The following THSD7A variants were observed in gnomAD, a reference collection of about 807,000 sequenced individuals.
THSD7A encodes thrombospondin type 1 domain containing 7A.
THSD7A carries 96 observed loss-of-function variants against 231.3 expected under a neutral mutation model. The observed-to-expected ratio is 0.41, with a 90% confidence interval of 0.35 to 0.49. The LOEUF is 0.49. THSD7A is among the 20% of genes least tolerant of loss of function. THSD7A has a pLI of 0.05. For missense variants in THSD7A, 2,290 were observed against 2,070.2 expected (o/e 1.11, Z -2.06); for synonymous variants, 940 against 743.3 (o/e 1.26, Z -4.30).
chr7:11,781,035 A>AT (rs1783612309), intron 1 of THSD7A, among the ~76,000 whole-genome samples: 3 of 133,700 alleles, frequency 2.2e-5, no homozygotes, highest in Non-Finnish European at 3.2e-5. Context: ...AAAAAAAAAA[A>AT]AAATTTATAG....
At chr7:11,614,276 G>A (rs1781032349) in intron 2 of THSD7A, among the ~76,000 whole-genome samples, 1 of 152,144 alleles carries the variant, frequency 6.6e-6, no homozygotes, top group Non-Finnish European at 1.5e-5. Context: ...TAAATGGTGA[G>A]CGCTTCCACT....
In THSD7A at chr7:11,673,745, G is replaced by A. The variant is rs569271316; in HGVS notation, c.191-36784C>T. On this transcript the variant is annotated intron_variant, in intron 1 of 27. Transcript: ENST00000423059. ...GGGAAGGGCATGGCTTGATAGTCAA[G>A]GCTTCTCCTCCAGGAGTCCCACCCT... Among the ~76,000 whole-genome samples the A allele has an allele frequency of 3.9e-5, 6 of 152,218 alleles. No homozygotes were observed. In the South Asian group the frequency reaches 1.2e-3, roughly 32 times the overall value.
At chr7:11,639,055 C>A (rs1010053802) in intron 1 of THSD7A, among the ~76,000 whole-genome samples, 11 of 152,098 alleles carry the variant, frequency 7.2e-5, no homozygotes, top group African/African-American at 2.7e-4. Flanking sequence ...TATTTTCCAT[C>A]TGAACACAAC....
rs528324756 is a variant in THSD7A at position 11,431,716 on chromosome 7, T to C, written c.3065-2591A>G. On this transcript the variant is annotated intron_variant, in intron 13 of 27. Transcript: ENST00000423059. The stretch of plus-strand genomic sequence containing the variant: ...TGCATTTTAGAATTAGACTGTCAAT[T>C]TCTGCAAAAAATTGCAGCTAGGATT... Among the ~76,000 whole-genome samples, 6 of 152,202 alleles carry C rather than the reference T, an allele frequency of 3.9e-5. No individual in the cohort carries two copies. In the South Asian group the frequency reaches 1.0e-3, roughly 26 times the overall value.
chr7:11,673,846 G>A (rs1335783822), intron 1 of THSD7A, among the ~76,000 whole-genome samples: 2 of 152,074 alleles, frequency 1.3e-5, no homozygotes, highest in African/African-American at 4.8e-5. Flanking sequence ...GCTGCAGGGT[G>A]GATATTGGAA....
intron 1 of THSD7A, among the ~76,000 whole-genome samples, chr7:11,743,729 T>A (rs1452474705): frequency 6.6e-6 from 1 of 151,864 alleles, no homozygotes; most frequent in Non-Finnish European, 1.5e-5. Flanking sequence ...GTCTGTCCAA[T>A]TCTATGCTAT....
chr7:11,678,550 C>A (rs1302327469), intron 1 of THSD7A, among the ~76,000 whole-genome samples: 1 of 152,160 alleles, frequency 6.6e-6, no homozygotes, highest in African/African-American at 2.4e-5. Flanking sequence ...AAACTACCAT[C>A]AGAGAATACT....
At chr7:11,666,622 T>A (rs1783142659) in intron 1 of THSD7A, among the ~76,000 whole-genome samples, 1 of 151,950 alleles carries the variant, frequency 6.6e-6, no homozygotes, top group Admixed American at 6.6e-5. Context: ...AATAATAAAT[T>A]ATAATTATCT....
chr7:11,448,644 A>G (rs1047547297), intron 11 of THSD7A, among the ~76,000 whole-genome samples: 1 of 152,094 alleles, frequency 6.6e-6, no homozygotes, highest in Non-Finnish European at 1.5e-5. Flanking sequence ...ACTAAAACCT[A>G]TTGCCTAGGA....
At chr7:11,744,922 T>G (rs1426892587) in intron 1 of THSD7A, among the ~76,000 whole-genome samples, 1 of 152,138 alleles carries the variant, frequency 6.6e-6, no homozygotes, top group East Asian at 1.9e-4. Context: ...TGTGTCTTTA[T>G]AGCAGCATGT....
intron 2 of THSD7A, among the ~76,000 whole-genome samples, chr7:11,595,913 A>T (rs1780343539): frequency 6.6e-6 from 1 of 152,246 alleles, no homozygotes; most frequent in Non-Finnish European, 1.5e-5. Flanking sequence ...AGTCTGACTC[A>T]TGTAGAGCTC....
intron 1 of THSD7A, among the ~76,000 whole-genome samples, chr7:11,767,652 G>T (rs1783070729): frequency 6.6e-6 from 1 of 152,046 alleles, no homozygotes; most frequent in South Asian, 2.1e-4. Context: ...GTTCCAACAG[G>T]AATAGATCTT....
intron 15 of THSD7A, among the ~76,000 whole-genome samples, chr7:11,425,787 AAGAG>A (rs921797831): frequency 1.3e-5 from 2 of 150,986 alleles, no homozygotes; most frequent in African/African-American, 4.9e-5. Context: ...GACAGAGAGC[AAGAG>A]AGAGAGAAAG....
At chr7:11,464,917 T>A (rs1371536598) in intron 9 of THSD7A, among the ~76,000 whole-genome samples, 1 of 152,132 alleles carries the variant, frequency 6.6e-6, no homozygotes, top group African/African-American at 2.4e-5. Context: ...TTTGCCAGGT[T>A]ATACAGTCCT....
intron 1 of THSD7A, among the ~76,000 whole-genome samples, chr7:11,823,132 T>C (rs1027997940): frequency 6.6e-6 from 1 of 152,068 alleles, no homozygotes; most frequent in East Asian, 1.9e-4. Context: ...TTTTTGTATG[T>C]AATGAGAGAT....
intron 6 of THSD7A, among the ~76,000 whole-genome samples, chr7:11,524,681 T>G (rs185795608): frequency 6.6e-6 from 1 of 152,138 alleles, no homozygotes; most frequent in Admixed American, 6.6e-5. Context: ...CAGAACTTGA[T>G]TTTCCTCCTC....
intron 1 of THSD7A, among the ~76,000 whole-genome samples, chr7:11,805,388 T>C (rs1213850574): frequency 2.6e-5 from 4 of 152,140 alleles, no homozygotes; most frequent in African/African-American, 7.2e-5. Context: ...GCTGTAATTC[T>C]ATATCTTGTT....
chr7:11,534,439 A>T (rs1562693420), intron 6 of THSD7A, among the ~76,000 whole-genome samples: 1 of 152,168 alleles, frequency 6.6e-6, no homozygotes, highest in African/African-American at 2.4e-5. Context: ...AGCTTATTGG[A>T]GGATGAGAGT....
At chr7:11,431,214 C>T (rs1300700785) in intron 13 of THSD7A, among the ~76,000 whole-genome samples, 1 of 152,088 alleles carries the variant, frequency 6.6e-6, no homozygotes, top group African/African-American at 2.4e-5. Context: ...CAATGAAGTC[C>T]AGTTTATCTT....
Sources: allele counts gnomAD v4.1 joint callset (sites outside exome capture counted in the v4.1 genomes callset), GRCh38; gene constraint gnomAD v4.1.1; transcripts MANE v1.5; gene names NCBI Gene and HGNC (gene_info 2026-07-23, HGNC 2026-07-21).